Variants in MON2 observed in about 807,000 individuals in gnomAD.
MON2 encodes the protein MON2 regulator of endosome-to-Golgi trafficking, also known as protein MON2 homolog.
Under a neutral mutation model 208.6 loss-of-function variants are expected in MON2, and 84 were observed. The ratio of observed to expected loss-of-function variants is 0.40; its 90% CI spans 0.34 to 0.48. The LOEUF is 0.48. MON2 is among the 20% of genes least tolerant of loss of function. The pLI, the probability that MON2 is intolerant of heterozygous loss-of-function variation, is 0.59. For missense variants in MON2, 1,611 were observed against 2,015.4 expected, an observed-to-expected ratio of 0.80 and a Z score of 3.84; for synonymous variants, 660 against 694.0, an observed-to-expected ratio of 0.95 and a Z score of 0.77.
chr12:62,492,436 A>G (rs1205012788), intron 2 of MON2, among the ~76,000 whole-genome samples: 2 of 145,750 alleles, frequency 1.4e-5, no homozygotes, highest in Non-Finnish European at 1.5e-5. Context: ...CGGTGGCGCA[A>G]TCTCGGCTCA....
chr12:62,566,445 A>C lies in MON2; in HGVS notation c.4318A>C (p.Ile1440Leu). 6.2e-7 allele frequency: 1 copy of C among 1,610,746 alleles called. No homozygotes were observed. Among genetic ancestry groups the C allele is most frequent in the South Asian group, 1.1e-5 (1 of 90,032 alleles). The change falls in exon 29 of 35, where the codon ATT becomes CTT. Residue 1440 changes from isoleucine (I) to leucine (L), a missense_variant. Coordinates refer to ENST00000393630, the MANE Select transcript of MON2 (RefSeq NM_015026.3). ...GAATGAGAAAGTGCTCCAGAATATT[A>C]TTAAGGTATCTTTTTTTCATTTCTA... ...VVNEKVLQNIIKTLRVPLSLK... is the reference protein window; with the variant it reads ...VVNEKVLQNILKTLRVPLSLK...
chr12:62,502,482 G>A (rs973316381), intron 7 of MON2, among the ~76,000 whole-genome samples: 1 of 151,608 alleles, frequency 6.6e-6, no homozygotes, highest in Non-Finnish European at 1.5e-5. Flanking sequence ...ACAGTTTAGT[G>A]TTACATTACT....
chr12:62,561,329 AG>A (rs1172262840), intron 26 of MON2, among the ~76,000 whole-genome samples: 6 of 152,288 alleles, frequency 3.9e-5, no homozygotes, highest in African/African-American at 1.4e-4. Flanking sequence ...TGAATCTTAA[AG>A]AAGCTGCCTG....
chr12:62,584,655 A>G (rs1027868672), intron 32 of MON2, among the ~76,000 whole-genome samples: 1 of 142,698 alleles, frequency 7.0e-6, no homozygotes, highest in African/African-American at 2.6e-5. Context: ...GTGAGCCAAG[A>G]TTACACCACT....
chr12:62,480,590 C>T (rs748635630), intron 1 of MON2, among the ~76,000 whole-genome samples: 9 of 152,128 alleles, frequency 5.9e-5, no homozygotes, highest in Non-Finnish European at 1.0e-4. Context: ...ACTTCCTTTT[C>T]CTTCTCCTTA....
intron 34 of MON2, among the ~76,000 whole-genome samples, chr12:62,590,885 C>T (rs1006678829): frequency 6.6e-6 from 1 of 152,120 alleles, no homozygotes. Flanking sequence ...CCAGGCCTGA[C>T]CTCAGGTGAT....
intron 33 of MON2, 132 bp downstream of exon 33, chr12:62,585,633 C>A: frequency 1.5e-6 from 1 of 688,314 alleles, no homozygotes; most frequent in Non-Finnish European, 2.3e-6. Context: ...TCTTATTTAT[C>A]CCATATGGTG....
chr12:62,538,642 CT>C, intron 19 of MON2, 137 bp downstream of exon 19: 1 of 632,674 alleles, frequency 1.6e-6, no homozygotes, highest in Non-Finnish European at 2.7e-6. Context: ...GTTTTTACCA[CT>C]TATCGTTATT....
intron 8 of MON2, among the ~76,000 whole-genome samples, chr12:62,513,722 G>A (rs563096008): frequency 4.1e-5 from 5 of 123,244 alleles, no homozygotes; most frequent in South Asian, 4.8e-4. Flanking sequence ...TGAGGCAGGC[G>A]GGTCATGAGG....
At chr12:62,501,906 T>C (rs1248891177) in intron 7 of MON2, among the ~76,000 whole-genome samples, 1 of 151,660 alleles carries the variant, frequency 6.6e-6, no homozygotes, top group Admixed American at 6.6e-5. Context: ...GGCAACATAG[T>C]GAGACACCAT....
chr12:62,500,995 A>G (rs969160402), intron 6 of MON2, 115 bp downstream of exon 6: 12 of 587,524 alleles, frequency 2.0e-5, no homozygotes, highest in South Asian at 5.4e-5. Context: ...AATATGTCAA[A>G]GGTAGTATTA....
Position 62,542,124 on chromosome 12 carries a change from T to C in MON2, c.2365-973T>C, listed in dbSNP as rs528178455. ...ATATTCTCCCTAGAATCATGAATTT[T>C]CCTACCACCCAAATTTTTAGGGTGC... On this transcript the variant is annotated intron_variant, in intron 19 of 34. Coordinates refer to ENST00000393630, the MANE Select transcript of MON2 (RefSeq NM_015026.3). 2.6e-5 allele frequency among the ~76,000 whole-genome samples: 4 copies of C among 152,292 alleles called. No individual in the cohort carries two copies. The South Asian group carries it at 6.2e-4, about 24-fold the overall frequency.
intron 1 of MON2, among the ~76,000 whole-genome samples, chr12:62,470,397 G>A (rs181193418): frequency 1.0e-3 from 155 of 152,142 alleles, no homozygotes; most frequent in African/African-American, 3.2e-3. Flanking sequence ...TTAAATTGTT[G>A]TTGTAGTGGC....
chr12:62,560,396 A>G, intron 25 of MON2, 95 bp from the exon 26 acceptor site: 1 of 1,258,408 alleles, frequency 7.9e-7, no homozygotes, highest in Non-Finnish European at 1.1e-6. Flanking sequence ...GATTTTAAGC[A>G]GAAAAATTAA....
In MON2 at chr12:62,538,476, G is replaced by A. The variant is rs752827521; in HGVS notation, c.2335G>A (p.Ala779Thr). The change falls in exon 19 of 35, where the codon GCA becomes ACA. Residue 779 changes from alanine (A) to threonine (T), a missense_variant. Physicochemically the swap from Ala to Thr is moderately conservative, Grantham distance 58. Coordinates refer to ENST00000393630, the MANE Select transcript of MON2 (RefSeq NM_015026.3). ...INALCSLSLE[A>T]MDMAYGNNKE... ...TGCACTTTGCTCCTTGTCTCTAGAA[G>A]CAATGGATATGGCCTATGGAAATAA... The A allele has an allele frequency of 6.2e-7, 1 of 1,607,950 alleles. No individual in the cohort carries two copies. The highest frequency in any genetic ancestry group is 8.5e-7 in the Non-Finnish European group (1 of 1,174,972).
chr12:62,483,812 T>C (rs950747274), intron 1 of MON2, among the ~76,000 whole-genome samples: 1 of 152,184 alleles, frequency 6.6e-6, no homozygotes, highest in African/African-American at 2.4e-5. Flanking sequence ...AGGCTTGAAA[T>C]GGGGAAAAGG....
intron 29 of MON2, among the ~76,000 whole-genome samples, chr12:62,568,900 A>T (rs2074484594): frequency 6.6e-6 from 1 of 151,682 alleles, no homozygotes; most frequent in East Asian, 2.0e-4. Flanking sequence ...TGATCCGCTC[A>T]CCTCAGCCTC....
intron 23 of MON2, among the ~76,000 whole-genome samples, chr12:62,552,629 G>T (rs2073800750): frequency 6.6e-6 from 1 of 150,422 alleles, no homozygotes; most frequent in Admixed American, 6.6e-5. Context: ...GTATGTTCTT[G>T]ACATTTTTTA....
At chr12:62,576,204 G>A (rs146568936) in intron 30 of MON2, among the ~76,000 whole-genome samples, 31 of 152,188 alleles carry the variant, frequency 2.0e-4, no homozygotes, top group African/African-American at 7.2e-4. Context: ...CTAAGCGGAA[G>A]AAACTAGACA....
Sources: allele counts gnomAD v4.1 joint callset (sites outside exome capture counted in the v4.1 genomes callset), GRCh38; gene constraint gnomAD v4.1.1; transcripts MANE v1.5; gene names NCBI Gene and HGNC (gene_info 2026-07-23, HGNC 2026-07-21).